PLCG2: variants seen among roughly 807,000 people sequenced by gnomAD.
The protein encoded by PLCG2 is 1-phosphatidylinositol 4,5-bisphosphate phosphodiesterase gamma-2.
PLCG2 carries 69 observed loss-of-function variants against 175.6 expected under a neutral mutation model. That is an observed-to-expected ratio of 0.39 (90% CI 0.32 to 0.48). The LOEUF (loss-of-function observed/expected upper bound fraction) is 0.48. PLCG2 is among the 20% of genes least tolerant of loss of function. The probability of loss-of-function intolerance (pLI) is 0.91; values close to 1 mark genes in which losing one functional copy is unlikely to be tolerated. For synonymous variants in PLCG2, 827 were observed against 624.0 expected (o/e 1.33, Z -4.85); for missense variants, 1,798 against 1,650.9 (o/e 1.09, Z -1.54).
chr16:81,904,985 T>C (rs1307974013), intron 14 of PLCG2, among the ~76,000 whole-genome samples: 1 of 152,164 alleles, frequency 6.6e-6, no homozygotes, highest in Non-Finnish European at 1.5e-5. Context: ...CTTCCCAGGT[T>C]CAAGCAATCT....
chr16:81,800,567 A>G (rs1911675436), intron 2 of PLCG2, among the ~76,000 whole-genome samples: 1 of 152,140 alleles, frequency 6.6e-6, no homozygotes, highest in Non-Finnish European at 1.5e-5. Context: ...ATGGCTGCAT[A>G]GTATTCCATG....
In PLCG2 at chr16:81,919,476, T is replaced by A. The variant is rs12448130; in HGVS notation, c.2055-8T>A. 1 of 1,610,762 alleles carries A rather than the reference T, an allele frequency of 6.2e-7. No homozygotes were observed. The highest frequency in any genetic ancestry group is 8.5e-7 in the Non-Finnish European group (1 of 1,177,576). On this transcript the variant is annotated splice_polypyrimidine_tract_variant and splice_region_variant and intron_variant, in intron 19 of 32. Transcript: ENST00000564138. ...TGGCATGTCAACCCTGTGTTCTTCC[T>A]GCTCCAGGGCTAGGGGCAAGGTAAA...
chr16:81,836,242 G>C (rs117770574), intron 2 of PLCG2, among the ~76,000 whole-genome samples: 3,472 of 152,322 alleles, frequency 0.023, 58 homozygotes, highest in Non-Finnish European at 0.033. Context: ...GAGGCCCAGG[G>C]AGGTAAAATG....
intron 2 of PLCG2, among the ~76,000 whole-genome samples, chr16:81,803,633 T>TTTCCTCCCTCCC (rs1911853454): frequency 5.6e-5 from 5 of 88,568 alleles, no homozygotes; most frequent in Admixed American, 1.4e-4. Flanking sequence ...TCTTTTCTTC[T>TTTCCTCCCTCCC]TCCCTCCCTC....
At chr16:81,896,195 C>T (rs1343197218) in intron 13 of PLCG2, among the ~76,000 whole-genome samples, 1 of 152,164 alleles carries the variant, frequency 6.6e-6, no homozygotes, top group African/African-American at 2.4e-5. Context: ...GCCCACCCCA[C>T]CTCCTCATTC....
At chr16:81,821,480 G>T (rs1904797037) in intron 2 of PLCG2, among the ~76,000 whole-genome samples, 1 of 152,208 alleles carries the variant, frequency 6.6e-6, no homozygotes, top group South Asian at 2.1e-4. Flanking sequence ...CGAATGCTGT[G>T]TGTCTTGGTG....
At chr16:81,803,313 G>A (rs537904436) in intron 2 of PLCG2, among the ~76,000 whole-genome samples, 2 of 151,606 alleles carry the variant, frequency 1.3e-5, no homozygotes, top group East Asian at 1.9e-4. Flanking sequence ...GTAGAGATGG[G>A]GTTTTGCTGT....
At chr16:81,950,260 T>C (rs1010453914) in intron 31 of PLCG2, among the ~76,000 whole-genome samples, 1 of 152,156 alleles carries the variant, frequency 6.6e-6, no homozygotes, top group Admixed American at 6.5e-5. Flanking sequence ...ATGGAAGAGT[T>C]ACTGGGAAAA....
intron 29 of PLCG2, 148 bp from the exon 30 acceptor site, chr16:81,939,744 A>G: frequency 1.7e-6 from 1 of 588,316 alleles, no homozygotes; most frequent in Non-Finnish European, 3.0e-6. Context: ...GAGTGAAGAT[A>G]ATTATTCAGA....
chr16:81,750,663 A>ATTTTTTTTTTTTTTTTTTTTTTTTTTTTT lies in PLCG2; in HGVS notation c.-144-5185_-144-5184insTTTTTTTTTTTTTTTTTTTTTTTTTTTTT, dbSNP rs543220131. On this transcript the variant is annotated intron_variant, in intron 1 of 5. Coordinates refer to the PLCG2 transcript ENST00000565054. ...TTAAAAAGCAGAATGGGGACTGGAG[A>ATTTTTTTTTTTTTTTTTTTTTTTTTTTTT]TTTTTTTTTTTTTTTTTTTTTTGAG... Among the ~76,000 whole-genome samples the ATTTTTTTTTTTTTTTTTTTTTTTTTTTTT allele has an allele frequency of 1.9e-4, 13 of 68,464 alleles. 2 individuals carry two copies. Among genetic ancestry groups the ATTTTTTTTTTTTTTTTTTTTTTTTTTTTT allele is most frequent in the African/African-American group, 5.0e-4 (10 of 19,862 alleles). The allele number at this position is 68,464 out of a possible 152,430, so 44.9% of individuals were successfully genotyped here.
chr16:81,825,842 G>T (rs952135136), intron 2 of PLCG2, among the ~76,000 whole-genome samples: 4 of 152,156 alleles, frequency 2.6e-5, no homozygotes, highest in African/African-American at 9.7e-5. Flanking sequence ...TCCTTCAGGG[G>T]TTCAAGTCTT....
intron 21 of PLCG2, among the ~76,000 whole-genome samples, chr16:81,923,223 A>C (rs1910127910): frequency 7.2e-6 from 1 of 139,398 alleles, no homozygotes; most frequent in African/African-American, 2.6e-5. Context: ...CTAGCCCCAA[A>C]CCCTAACTCC....
intron 5 of PLCG2, among the ~76,000 whole-genome samples, chr16:81,867,729 G>A (rs1259651049): frequency 5.3e-5 from 8 of 151,284 alleles, no homozygotes; most frequent in African/African-American, 9.7e-5. Flanking sequence ...ATGGAGTCTT[G>A]CTCTGTCACC....
chr16:81,782,855 A>G (rs1445254617), intron 1 of PLCG2, among the ~76,000 whole-genome samples: 1 of 152,234 alleles, frequency 6.6e-6, no homozygotes, highest in African/African-American at 2.4e-5. Flanking sequence ...ACCCTGCAGC[A>G]TCAGAGGGGA....
At chr16:81,888,601 G>C (rs1045244606) in intron 9 of PLCG2, among the ~76,000 whole-genome samples, 10 of 152,192 alleles carry the variant, frequency 6.6e-5, no homozygotes, top group African/African-American at 2.4e-4. Flanking sequence ...CACAGAAACT[G>C]TGTGGTAGAT....
At chr16:81,857,076 T>C (rs1211971197) in intron 3 of PLCG2, among the ~76,000 whole-genome samples, 1 of 142,876 alleles carries the variant, frequency 7.0e-6, no homozygotes, top group Non-Finnish European at 1.6e-5. Flanking sequence ...AAAATAAATC[T>C]ATATTACTTT....
chr16:81,861,628 G>C (rs1240623779), intron 5 of PLCG2, among the ~76,000 whole-genome samples: 1 of 152,114 alleles, frequency 6.6e-6, no homozygotes, highest in African/African-American at 2.4e-5. Flanking sequence ...TGGAAGATTT[G>C]GTACACACTG....
chr16:81,811,497 C>T (rs1343975756), intron 2 of PLCG2, among the ~76,000 whole-genome samples: 1 of 151,966 alleles, frequency 6.6e-6, no homozygotes, highest in Non-Finnish European at 1.5e-5. Flanking sequence ...TTAGGTATTT[C>T]TCCTAGTGCT....
intron 2 of PLCG2, among the ~76,000 whole-genome samples, chr16:81,826,415 C>T (rs1905052206): frequency 6.6e-6 from 1 of 152,216 alleles, no homozygotes; most frequent in Non-Finnish European, 1.5e-5. Flanking sequence ...CCAGTTTCAG[C>T]TCTGCACTTA....
Sources: allele counts gnomAD v4.1 joint callset (sites outside exome capture counted in the v4.1 genomes callset), GRCh38; gene constraint gnomAD v4.1.1; transcripts MANE v1.5; gene names NCBI Gene and HGNC (gene_info 2026-07-23, HGNC 2026-07-21).